The following ANO2 variants were observed in gnomAD, a reference collection of about 807,000 sequenced individuals.
ANO2 encodes anoctamin 2, also known as anoctamin-2.
In ANO2, 101 loss-of-function variants were observed where a neutral mutation model predicts 124.2. The observed-to-expected ratio is 0.81, with a 90% CI of 0.69 to 0.96. ANO2 has a LOEUF of 0.96. Among genes scored for constraint, ANO2 ranks in the 40% least tolerant of loss-of-function variants. The pLI is 0.00. For missense variants in ANO2, 1,293 were observed against 1,274.5 expected (o/e 1.01, Z -0.22); for synonymous variants, 486 against 482.5 (o/e 1.01, Z -0.09).
intron 14 of ANO2, among the ~76,000 whole-genome samples, chr12:5,714,912 A>T (rs890494834): frequency 6.6e-6 from 1 of 152,192 alleles, no homozygotes; most frequent in Non-Finnish European, 1.5e-5. Flanking sequence ...CTGCATTTTC[A>T]TGATTCAACA....
intron 21 of ANO2, 81 bp from the exon 22 acceptor site, chr12:5,578,088 T>A (rs1229695344): frequency 6.6e-7 from 1 of 1,519,588 alleles, no homozygotes; most frequent in Admixed American, 1.8e-5. Flanking sequence ...AGGTGATGTT[T>A]TGCAGGTGAA....
chr12:5,681,152 C>G (rs1948471863), intron 14 of ANO2, among the ~76,000 whole-genome samples: 1 of 152,162 alleles, frequency 6.6e-6, no homozygotes, highest in African/African-American at 2.4e-5. Flanking sequence ...GATTGCTAAG[C>G]AGGAAAGAGA....
At chr12:5,933,207 G>C (rs901356377) in intron 1 of ANO2, among the ~76,000 whole-genome samples, 2 of 152,142 alleles carry the variant, frequency 1.3e-5, no homozygotes, top group Non-Finnish European at 2.9e-5. Flanking sequence ...GTCATCTCCT[G>C]CTAGTGACTC....
chr12:5,803,019 C>A (rs1295567175), intron 9 of ANO2, among the ~76,000 whole-genome samples: 1 of 152,190 alleles, frequency 6.6e-6, no homozygotes, highest in Admixed American at 6.5e-5. Flanking sequence ...GTTAAAAACC[C>A]TTTGCAACAA....
At chr12:5,714,411 C>G (rs143649516) in intron 14 of ANO2, among the ~76,000 whole-genome samples, 15 of 152,292 alleles carry the variant, frequency 9.8e-5, no homozygotes, top group Non-Finnish European at 5.9e-5. Context: ...ACACCACGCA[C>G]AAGAAACACC....
intron 3 of ANO2, among the ~76,000 whole-genome samples, chr12:5,872,565 A>G (rs1056624778): frequency 2.0e-5 from 3 of 152,150 alleles, no homozygotes; most frequent in Non-Finnish European, 2.9e-5. Flanking sequence ...TGCTACCTAC[A>G]TGCTGTTTGC....
At chr12:5,833,338 A>G (rs1954215306) in intron 4 of ANO2, among the ~76,000 whole-genome samples, 1 of 152,160 alleles carries the variant, frequency 6.6e-6, no homozygotes, top group African/African-American at 2.4e-5. Context: ...ATAACCTGCA[A>G]ATGGAGTCAT....
chr12:5,942,384 T>A (rs1942931526), intron 1 of ANO2, among the ~76,000 whole-genome samples: 1 of 152,280 alleles, frequency 6.6e-6, no homozygotes, highest in African/African-American at 2.4e-5. Flanking sequence ...AAAAACCTAC[T>A]AATGAAAATA....
At chr12:5,923,191 C>T (rs1941879849) in intron 1 of ANO2, among the ~76,000 whole-genome samples, 2 of 126,428 alleles carry the variant, frequency 1.6e-5, no homozygotes, top group African/African-American at 2.7e-5. Flanking sequence ...CACATACACA[C>T]ACACGCACGC....
intron 24 of ANO2, among the ~76,000 whole-genome samples, chr12:5,564,873 G>C (rs775583024): frequency 3.3e-5 from 5 of 152,140 alleles, no homozygotes; most frequent in Admixed American, 6.5e-5. Context: ...CCAGAGATCT[G>C]CCTTCAGGGA....
intron 14 of ANO2, among the ~76,000 whole-genome samples, chr12:5,711,391 A>G (rs1949812518): frequency 6.6e-6 from 1 of 152,120 alleles, no homozygotes; most frequent in Admixed American, 6.5e-5. Flanking sequence ...ACCTTCCACC[A>G]TGAAAGCTTC....
intron 10 of ANO2, among the ~76,000 whole-genome samples, chr12:5,781,422 G>A (rs1451798133): frequency 2.0e-5 from 3 of 152,138 alleles, no homozygotes; most frequent in Non-Finnish European, 4.4e-5. Context: ...CTGAGTCTCT[G>A]GATTCTGTTT....
intron 10 of ANO2, among the ~76,000 whole-genome samples, chr12:5,779,581 T>C (rs1340793947): frequency 6.6e-6 from 1 of 152,140 alleles, no homozygotes; most frequent in Non-Finnish European, 1.5e-5. Flanking sequence ...TCCTCATAAA[T>C]TACTTAATAA....
At chr12:5,932,127 A>G (rs868547754) in intron 1 of ANO2, among the ~76,000 whole-genome samples, 23 of 129,600 alleles carry the variant, frequency 1.8e-4, no homozygotes, top group African/African-American at 3.1e-4. Context: ...AGGAAGGAAG[A>G]CTGGTAAGAA....
At chr12:5,778,172 A>T (rs1367006931) in intron 10 of ANO2, among the ~76,000 whole-genome samples, 1 of 152,250 alleles carries the variant, frequency 6.6e-6, no homozygotes, top group Non-Finnish European at 1.5e-5. Context: ...TGTGTCAGAC[A>T]CTAATCTAAG....
At chr12:5,567,120 T>A (rs1255484903) in intron 23 of ANO2, among the ~76,000 whole-genome samples, 7 of 152,180 alleles carry the variant, frequency 4.6e-5, no homozygotes, top group Admixed American at 4.6e-4. Context: ...GGGACTCGAC[T>A]AGGGCTTGGC....
chr12:5,897,849 A>G (rs905312921), intron 3 of ANO2, among the ~76,000 whole-genome samples: 11 of 152,214 alleles, frequency 7.2e-5, no homozygotes, highest in African/African-American at 1.4e-4. Flanking sequence ...ATAGGTGATA[A>G]TTTCTTAAAC....
chr12:5,626,741 G>A (rs1056521095), intron 16 of ANO2, among the ~76,000 whole-genome samples: 1 of 152,192 alleles, frequency 6.6e-6, no homozygotes, highest in Admixed American at 6.5e-5. Flanking sequence ...AACCAAGAGG[G>A]AGAATTCATC....
At chr12:5,703,569 C>T (rs1354569187) in intron 14 of ANO2, among the ~76,000 whole-genome samples, 1 of 152,072 alleles carries the variant, frequency 6.6e-6, no homozygotes, top group Non-Finnish European at 1.5e-5. Flanking sequence ...CAGGGTCTCA[C>T]TCTACTGTCA....
Sources: allele counts gnomAD v4.1 joint callset (sites outside exome capture counted in the v4.1 genomes callset), GRCh38; gene constraint gnomAD v4.1.1; transcripts MANE v1.5; gene names NCBI Gene and HGNC (gene_info 2026-07-23, HGNC 2026-07-21).